PCDHA12: variants seen among roughly 807,000 people sequenced by gnomAD.
PCDHA12 encodes the protein protocadherin alpha 12.
PCDHA12 carries 44 observed loss-of-function variants against 60.0 expected under a neutral mutation model. The ratio of observed to expected loss-of-function variants is 0.73; its 90% CI spans 0.58 to 0.94. PCDHA12 has a LOEUF of 0.94. Among genes scored for constraint, PCDHA12 ranks in the 40% least tolerant of loss-of-function variants. The probability of loss-of-function intolerance (pLI) is 0.00; values close to 1 mark genes in which losing one functional copy is unlikely to be tolerated. For synonymous variants in PCDHA12, 569 were observed against 553.0 expected (o/e 1.03, Z -0.40); for missense variants, 1,276 against 1,239.7 (o/e 1.03, Z -0.44).
chr5:140,967,928 A>G, intron 1 of PCDHA12: 1 of 1,614,200 alleles, frequency 6.2e-7, no homozygotes, highest in South Asian at 1.1e-5. Context: ...GGCCGTTCTC[A>G]GTGTCAATGA....
intron 1 of PCDHA12, among the ~76,000 whole-genome samples, chr5:140,906,752 G>A (rs1328101001): frequency 6.6e-6 from 1 of 152,152 alleles, no homozygotes; most frequent in Non-Finnish European, 1.5e-5. Context: ...ACAGGGCATG[G>A]TAATACTAAG....
At chr5:140,952,111 G>A (rs1040553968) in intron 1 of PCDHA12, among the ~76,000 whole-genome samples, 1 of 152,086 alleles carries the variant, frequency 6.6e-6, no homozygotes, top group Non-Finnish European at 1.5e-5. Context: ...ACTCGTGTGA[G>A]GGATGGGCTC....
chr5:140,883,710 A>C (rs782592824), intron 1 of PCDHA12: 1 of 1,613,516 alleles, frequency 6.2e-7, no homozygotes, highest in South Asian at 1.1e-5. Context: ...TCTGCTCAGG[A>C]CGCGGACGCA....
intron 3 of PCDHA12, among the ~76,000 whole-genome samples, chr5:140,987,875 G>A (rs1293461683): frequency 6.6e-6 from 1 of 152,008 alleles, no homozygotes; most frequent in Non-Finnish European, 1.5e-5. Flanking sequence ...GTGGAAAATG[G>A]ACAGTTTATG....
chr5:140,989,893 A>T (rs1436233809), intron 3 of PCDHA12, among the ~76,000 whole-genome samples: 1 of 151,928 alleles, frequency 6.6e-6, no homozygotes, highest in Non-Finnish European at 1.5e-5. Context: ...AGTCTCCGTT[A>T]TTCACAATCA....
chr5:140,972,478 AC>A (rs2096537655), intron 1 of PCDHA12, among the ~76,000 whole-genome samples: 2 of 151,866 alleles, frequency 1.3e-5, no homozygotes, highest in Admixed American at 1.3e-4. Flanking sequence ...TCAGCATTTA[AC>A]CCCAGACTCT....
At chr5:140,917,357 C>G (rs2078163128) in intron 1 of PCDHA12, among the ~76,000 whole-genome samples, 1 of 146,268 alleles carries the variant, frequency 6.8e-6, no homozygotes, top group African/African-American at 2.5e-5. Context: ...GGCTTCTGTT[C>G]CACTATCTTG....
intron 3 of PCDHA12, among the ~76,000 whole-genome samples, chr5:140,990,875 G>A: frequency 6.6e-6 from 1 of 152,198 alleles, no homozygotes; most frequent in East Asian, 1.9e-4. Flanking sequence ...TTAAGTGTAT[G>A]TTCCAGTGAG....
In PCDHA12 at chr5:140,876,238, CA is replaced by C; in HGVS notation, c.770del (p.Asn257ThrfsTer5). On this transcript the variant is annotated frameshift_variant, in exon 1 of 4. Coordinates refer to ENST00000398631, the MANE Select transcript of PCDHA12 (RefSeq NM_018903.4). LOFTEE classifies it high-confidence loss of function. ...TAAAGTAGTGTTGTCTGAAAATGTC[CA>C]AAACGACACAAGAGTGATCCAACTA... ...SYKVVLSENV[Q>X]NDTRVIQLNA... 4 of 1,613,896 alleles carry C rather than the reference CA, an allele frequency of 2.5e-6. No homozygotes were observed. The highest frequency in any genetic ancestry group is 3.4e-6 in the Non-Finnish European group (4 of 1,179,880).
chr5:140,882,859 GA>G (rs1554175853), intron 1 of PCDHA12: 4 of 1,614,192 alleles, frequency 2.5e-6, no homozygotes, highest in Non-Finnish European at 3.4e-6. Flanking sequence ...TTGTACTGAG[GA>G]AAACACTGGA....
chr5:140,996,799 T>C (rs1372599057), intron 3 of PCDHA12, among the ~76,000 whole-genome samples: 3 of 152,306 alleles, frequency 2.0e-5, no homozygotes, highest in African/African-American at 7.2e-5. Context: ...CTACATCCAA[T>C]CATGCTTTCC....
chr5:140,916,723 T>C (rs1264644464), intron 1 of PCDHA12, among the ~76,000 whole-genome samples: 1 of 152,186 alleles, frequency 6.6e-6, no homozygotes, highest in Non-Finnish European at 1.5e-5. Context: ...GGAGTGACTT[T>C]TGTTGCTGCA....
At chr5:140,901,539 A>G (rs192107124) in intron 1 of PCDHA12, among the ~76,000 whole-genome samples, 2 of 152,070 alleles carry the variant, frequency 1.3e-5, no homozygotes, top group East Asian at 1.9e-4. Context: ...TTGGTTCTCT[A>G]TTCTGTTCCA....
rs149782026 is a variant in PCDHA12, at chr5:140,944,645, G to A, written c.2368-34304G>A. ...TAGTGTTGTAAGCCAGTGTGGATTG[G>A]GAGTCCATACCCCTTATTTATCTAT... On this transcript the variant is annotated intron_variant, in intron 1 of 3. Coordinates refer to ENST00000398631, the MANE Select transcript of PCDHA12 (RefSeq NM_018903.4). Among the ~76,000 whole-genome samples, 728 of 152,260 alleles carry A rather than the reference G, an allele frequency of 4.8e-3. 7 individuals are homozygous for A. The highest frequency in any genetic ancestry group is 0.017 in the African/African-American group (702 of 41,552).
chr5:140,923,570 C>T (rs1554201533), intron 1 of PCDHA12, among the ~76,000 whole-genome samples: 2 of 152,136 alleles, frequency 1.3e-5, no homozygotes, highest in African/African-American at 4.8e-5. Context: ...AAAGGTCCTG[C>T]TAAAGAGAAG....
chr5:141,001,089 C>G (rs972790418), intron 3 of PCDHA12, among the ~76,000 whole-genome samples: 2 of 152,042 alleles, frequency 1.3e-5, no homozygotes, highest in Admixed American at 1.3e-4. Flanking sequence ...ACCCCATAAA[C>G]TGTCTAATCC....
chr5:140,997,719 C>T (rs1456038917), intron 3 of PCDHA12, among the ~76,000 whole-genome samples: 1 of 150,932 alleles, frequency 6.6e-6, no homozygotes, highest in East Asian at 1.9e-4. Context: ...CACCTTTCTA[C>T]GTCAGTACAT....
intron 1 of PCDHA12, among the ~76,000 whole-genome samples, chr5:140,878,826 C>G (rs1048428036): frequency 1.3e-5 from 2 of 152,182 alleles, no homozygotes; most frequent in Non-Finnish European, 2.9e-5. Flanking sequence ...CTATGTTGCA[C>G]AGGCTGGACT....
intron 1 of PCDHA12, among the ~76,000 whole-genome samples, chr5:140,953,962 T>C (rs2153701012): frequency 6.6e-6 from 1 of 152,196 alleles, no homozygotes; most frequent in Admixed American, 6.5e-5. Flanking sequence ...CAGGCCCCAG[T>C]GTGTGTTGTT....
Sources: allele counts gnomAD v4.1 joint callset (sites outside exome capture counted in the v4.1 genomes callset), GRCh38; gene constraint gnomAD v4.1.1; transcripts MANE v1.5; gene names NCBI Gene and HGNC (gene_info 2026-07-23, HGNC 2026-07-21).